The following CDH13 variants were observed in gnomAD, a reference collection of about 807,000 sequenced individuals.
CDH13 encodes the protein cadherin-13.
A neutral mutation model predicts 63.8 loss-of-function variants in CDH13; 24 were observed. The ratio of observed to expected loss-of-function variants is 0.38; its 90% CI spans 0.27 to 0.53. CDH13 has a LOEUF of 0.53. CDH13 is among the 20% of genes least tolerant of loss of function. CDH13 has a pLI of 0.85. For missense variants in CDH13, 1,049 were observed against 903.1 expected, an observed-to-expected ratio of 1.16 and a Z score of -2.07; for synonymous variants, 503 against 355.3, an observed-to-expected ratio of 1.42 and a Z score of -4.67.
At chr16:83,280,749 C>T (rs796639311) in intron 5 of CDH13, among the ~76,000 whole-genome samples, 3 of 152,186 alleles carry the variant, frequency 2.0e-5, no homozygotes, top group Non-Finnish European at 4.4e-5. Context: ...CAAAATTACT[C>T]CTTGATCCAT....
intron 2 of CDH13, among the ~76,000 whole-genome samples, chr16:82,915,141 A>G (rs1261469725): frequency 1.3e-5 from 2 of 152,208 alleles, no homozygotes; most frequent in East Asian, 3.9e-4. Flanking sequence ...CTCTCTGCAA[A>G]ATGGTCTAAT....
At chr16:83,475,035 G>A (rs572004125) in intron 6 of CDH13, among the ~76,000 whole-genome samples, 3 of 152,340 alleles carry the variant, frequency 2.0e-5, no homozygotes, top group South Asian at 2.1e-4. Flanking sequence ...CAGGCCTTCC[G>A]CCATCTGGCT....
At chr16:82,808,895 G>C (rs1597658814) in intron 1 of CDH13, among the ~76,000 whole-genome samples, 1 of 152,122 alleles carries the variant, frequency 6.6e-6, no homozygotes, top group Non-Finnish European at 1.5e-5. Flanking sequence ...AAGCGTTTCT[G>C]TAGTGAGCAT....
chr16:83,032,255 G>A (rs1462690070), intron 3 of CDH13, 37 bp downstream of exon 3: 1 of 1,529,246 alleles, frequency 6.5e-7, no homozygotes, highest in South Asian at 1.1e-5. Context: ...GGTTCAAGGA[G>A]GACATTAGGT....
intron 3 of CDH13, among the ~76,000 whole-genome samples, chr16:83,032,816 G>T (rs1382101050): frequency 6.6e-6 from 1 of 152,172 alleles, no homozygotes; most frequent in East Asian, 1.9e-4. Flanking sequence ...CATGGACTGA[G>T]AGTGAAAGAA....
At chr16:83,534,754 C>G (rs2075151359) in intron 7 of CDH13, among the ~76,000 whole-genome samples, 1 of 152,176 alleles carries the variant, frequency 6.6e-6, no homozygotes, top group South Asian at 2.1e-4. Flanking sequence ...TCTACTTCCT[C>G]ACTATTATGA....
At chr16:82,979,184 T>C (rs1429439815) in intron 2 of CDH13, among the ~76,000 whole-genome samples, 1 of 152,218 alleles carries the variant, frequency 6.6e-6, no homozygotes, top group Admixed American at 6.5e-5. Context: ...TGTACCCCCA[T>C]TGTGTCTGGG....
At chr16:83,141,780 TTCTG>T (rs1328898528) in intron 4 of CDH13, among the ~76,000 whole-genome samples, 1 of 152,204 alleles carries the variant, frequency 6.6e-6, no homozygotes, top group African/African-American at 2.4e-5. Flanking sequence ...TGGTTTTCTG[TTCTG>T]TCTTAGTTTG....
chr16:83,010,595 T>A (rs998687506), intron 2 of CDH13, among the ~76,000 whole-genome samples: 1 of 152,206 alleles, frequency 6.6e-6, no homozygotes, highest in Non-Finnish European at 1.5e-5. Context: ...TTGAAATTTC[T>A]GTTGCACTTT....
intron 3 of CDH13, among the ~76,000 whole-genome samples, chr16:83,055,529 A>G (rs930912966): frequency 6.6e-6 from 1 of 151,918 alleles, no homozygotes; most frequent in Non-Finnish European, 1.5e-5. Flanking sequence ...TCTGTAAAAT[A>G]AATAAAAAAT....
chr16:83,602,136 AAAAAAAAC>A (rs1344722684), intron 7 of CDH13, among the ~76,000 whole-genome samples: 8 of 89,768 alleles, frequency 8.9e-5, no homozygotes, highest in African/African-American at 5.8e-4. Context: ...AAAAAAAAAA[AAAAAAAAC>A]CCAAAGGACA....
Position 83,374,811 on chromosome 16 carries a change from C to G in CDH13, c.781+29805C>G, listed in dbSNP as rs78869618. On this transcript the variant is annotated intron_variant, in intron 6 of 13. Transcript: ENST00000567109. ...CTAGTCTCCTGTTCTCACACAGACT[C>G]CAACCACTGGTATGAATATACTGCT... Among the ~76,000 whole-genome samples the G allele has an allele frequency of 7.9e-3, 1,197 of 152,306 alleles. 9 individuals carry two copies. Among genetic ancestry groups the G allele is most frequent in the Non-Finnish European group, 0.012 (804 of 68,034 alleles).
At chr16:83,232,744 C>G (rs1220755987) in intron 5 of CDH13, among the ~76,000 whole-genome samples, 1 of 149,876 alleles carries the variant, frequency 6.7e-6, no homozygotes, top group Non-Finnish European at 1.5e-5. Context: ...TTAAACCTGT[C>G]TCTTTTATAA....
intron 1 of CDH13, among the ~76,000 whole-genome samples, chr16:82,682,709 A>C (rs1914674594): frequency 6.6e-6 from 1 of 152,236 alleles, no homozygotes; most frequent in Admixed American, 6.5e-5. Context: ...ACACAAAGTA[A>C]TTGAGCTTTG....
chr16:82,722,982 G>A (rs1372955070), intron 1 of CDH13: 5 of 152,130 alleles, frequency 3.3e-5, no homozygotes, highest in African/African-American at 1.2e-4. Flanking sequence ...ACCTTAACTG[G>A]ATATTAAATC....
At chr16:82,687,437 G>A (rs1311725338) in intron 1 of CDH13, among the ~76,000 whole-genome samples, 3 of 152,100 alleles carry the variant, frequency 2.0e-5, no homozygotes, top group African/African-American at 7.2e-5. Context: ...AAAGGCAAGT[G>A]GTTTAATGGA....
intron 3 of CDH13, among the ~76,000 whole-genome samples, chr16:83,109,004 G>A (rs542902256): frequency 2.0e-5 from 3 of 152,118 alleles, no homozygotes; most frequent in Non-Finnish European, 4.4e-5. Context: ...CATTTCCTGG[G>A]ATGACCCACC....
intron 5 of CDH13, among the ~76,000 whole-genome samples, chr16:83,244,089 G>T (rs1430447067): frequency 6.6e-6 from 1 of 151,842 alleles, no homozygotes. Flanking sequence ...CGAGCTTTCT[G>T]CTTGGTGAAG....
chr16:82,951,771 G>C (rs373184208), intron 2 of CDH13, among the ~76,000 whole-genome samples: 1 of 152,132 alleles, frequency 6.6e-6, no homozygotes, highest in South Asian at 2.1e-4. Context: ...GGATTTTGAT[G>C]AATATTCAAG....
Sources: gnomAD v4.1 joint callset for allele counts (sites outside exome capture counted in the v4.1 genomes callset) on GRCh38, gnomAD v4.1.1 for gene constraint, MANE v1.5 for transcripts, NCBI Gene and HGNC (gene_info 2026-07-23, HGNC 2026-07-21) for gene names.